SMARCA2: variants seen among roughly 807,000 people sequenced by gnomAD.
The protein encoded by SMARCA2 is SWI/SNF related BAF chromatin remodeling complex subunit ATPase 2.
Under a neutral mutation model 199.8 loss-of-function variants are expected in SMARCA2, and 61 were observed. The observed-to-expected ratio is 0.31, with a 90% CI of 0.25 to 0.38. The LOEUF is 0.38. SMARCA2 is among the 10% of genes least tolerant of loss of function. SMARCA2 has a pLI of 1.00. For missense variants in SMARCA2, 1,344 were observed against 2,012.2 expected, an observed-to-expected ratio of 0.67 and a Z score of 6.35; for synonymous variants, 935 against 732.0, an observed-to-expected ratio of 1.28 and a Z score of -4.48.
chr9:2,081,529 C>CT (rs767924606), intron 14 of SMARCA2, among the ~76,000 whole-genome samples: 11 of 152,088 alleles, frequency 7.2e-5, no homozygotes, highest in Non-Finnish European at 1.5e-4. Context: ...TTGGTTTGGG[C>CT]TTTTTTCATT....
intron 27 of SMARCA2, chr9:2,157,823 C>A: frequency 5.0e-6 from 2 of 398,332 alleles, no homozygotes; most frequent in Non-Finnish European, 8.9e-6. Flanking sequence ...CTTTACACCA[C>A]CGGGTTGAGA....
chr9:2,092,543 G>A (rs1024068254), intron 19 of SMARCA2, among the ~76,000 whole-genome samples: 6 of 152,250 alleles, frequency 3.9e-5, no homozygotes, highest in African/African-American at 1.4e-4. Context: ...TTTAGGAAGG[G>A]GAATTATAAA....
chr9:2,032,733 C>A, intron 2 of SMARCA2: 1 of 393,324 alleles, frequency 2.5e-6, no homozygotes, highest in Non-Finnish European at 4.5e-6. Context: ...AACAAACAAA[C>A]AAACAAACAA....
intron 32 of SMARCA2, among the ~76,000 whole-genome samples, chr9:2,190,043 A>G (rs1366605725): frequency 6.6e-6 from 1 of 152,220 alleles, no homozygotes; most frequent in African/African-American, 2.4e-5. Context: ...TGCCTTCATC[A>G]TCAAATACCA....
chr9:2,165,748 T>G (rs1272378851), intron 28 of SMARCA2, among the ~76,000 whole-genome samples: 1 of 152,260 alleles, frequency 6.6e-6, no homozygotes, highest in African/African-American at 2.4e-5. Context: ...GGATGAGATG[T>G]AGAGTTAGAC....
At chr9:2,150,322 A>C (rs923829324) in intron 27 of SMARCA2, among the ~76,000 whole-genome samples, 1 of 151,638 alleles carries the variant, frequency 6.6e-6, no homozygotes, top group Non-Finnish European at 1.5e-5. Context: ...AAGTGAACTG[A>C]CTGGCTCAGC....
At position 2,185,974 on chromosome 9, in the gene SMARCA2, A is replaced by C. The variant is rs79885330; in HGVS notation, c.4462-122A>C. 6.5e-3 allele frequency: 6,284 copies of C among 960,708 alleles called. 243 individuals are homozygous for C. In the African/African-American group the frequency reaches 0.09, roughly 14 times the overall value. The allele number at this position is 960,708 out of a possible 1,614,324, so 59.5% of individuals were successfully genotyped here. A position where few individuals can be genotyped will look rare whatever the true frequency, so the allele number is the denominator to read the frequency against. On this transcript the variant is annotated intron_variant, in intron 31 of 33. Coordinates refer to ENST00000349721, the MANE Select transcript of SMARCA2 (RefSeq NM_003070.5). ...CTACTGGGTTTTCATGTGGGCATAA[A>C]AGCTAACGGTGACATTTCTACTAAA...
chr9:2,176,903 C>G (rs1261959050), intron 29 of SMARCA2, among the ~76,000 whole-genome samples: 1 of 152,128 alleles, frequency 6.6e-6, no homozygotes, highest in Admixed American at 6.5e-5. Context: ...CCAAACAAGT[C>G]TACTCCCATC....
chr9:2,026,558 T>C (rs1818840438), intron 1 of SMARCA2, among the ~76,000 whole-genome samples: 1 of 152,240 alleles, frequency 6.6e-6, no homozygotes, highest in African/African-American at 2.4e-5. Context: ...GAATTTCATG[T>C]TTAATATACA....
At chr9:2,096,594 T>C (rs1052364823) in intron 19 of SMARCA2, 63 bp from the exon 20 acceptor site, 5 of 986,230 alleles carry the variant, frequency 5.1e-6, no homozygotes, top group Non-Finnish European at 8.2e-6. Flanking sequence ...GACTCAGCAG[T>C]CTTCTTAGAA....
At chr9:2,186,961 T>C (rs1166855476) in intron 32 of SMARCA2, among the ~76,000 whole-genome samples, 1 of 152,216 alleles carries the variant, frequency 6.6e-6, no homozygotes, top group African/African-American at 2.4e-5. Flanking sequence ...AATATGCCAG[T>C]GTTTGATCCA....
At position 2,170,594 on chromosome 9, in the gene SMARCA2, T is replaced by C; in HGVS notation, c.4253+122T>C. ...TCTTCGGTCACCTCCTGATCACCCCTACTTGGAGAGCGGGATAGAGGCACA... is the reference window on the plus strand; with the variant it reads ...TCTTCGGTCACCTCCTGATCACCCCCACTTGGAGAGCGGGATAGAGGCACA... On this transcript the variant is annotated intron_variant, in intron 29 of 33. Coordinates refer to ENST00000349721, the MANE Select transcript of SMARCA2 (RefSeq NM_003070.5). This position sits in a 1 kb window ranked among gnomAD's most constrained non-coding sequence, Gnocchi z 4.7. The C allele has an allele frequency of 6.7e-7, 1 of 1,502,716 alleles. No homozygotes were observed. The highest frequency in any genetic ancestry group is 1.2e-5 in the South Asian group (1 of 82,328). 93.1% of individuals were successfully genotyped at this position (1,502,716 alleles called of 1,614,324 possible).
At chr9:2,094,204 T>A (rs1008658549) in intron 19 of SMARCA2, among the ~76,000 whole-genome samples, 1 of 152,186 alleles carries the variant, frequency 6.6e-6, no homozygotes, top group African/African-American at 2.4e-5. Flanking sequence ...AAAATATAGT[T>A]GTGAAGCTTA....
At chr9:2,084,542 G>A (rs1457039853) in intron 17 of SMARCA2, among the ~76,000 whole-genome samples, 1 of 151,940 alleles carries the variant, frequency 6.6e-6, no homozygotes, top group African/African-American at 2.4e-5. Flanking sequence ...CACATTCTCG[G>A]GAAAGAAATA....
rs946299010 is a variant in SMARCA2, at chr9:2,148,654, A to G, written c.3982-13032A>G. 3.3e-5 allele frequency among the ~76,000 whole-genome samples: 5 copies of G among 151,290 alleles called. 1 individual carries two copies. The highest frequency in any genetic ancestry group is 1.2e-4 in the African/African-American group (5 of 41,332). ...TCTTTCTTTTTTCTGAGACACACGC[A>G]CATGCCACCACACCCAACTAATTTT... On this transcript the variant is annotated intron_variant, in intron 27 of 33. Transcript: ENST00000349721.
intron 27 of SMARCA2, among the ~76,000 whole-genome samples, chr9:2,129,804 CGGA>C (rs1357996110): frequency 1.3e-5 from 2 of 152,236 alleles, no homozygotes; most frequent in South Asian, 4.2e-4. Context: ...CCTGTCACTA[CGGA>C]GATGTCAAAC....
chr9:2,092,431 C>G (rs1822100051), intron 19 of SMARCA2, among the ~76,000 whole-genome samples: 1 of 152,186 alleles, frequency 6.6e-6, no homozygotes, highest in Non-Finnish European at 1.5e-5. Context: ...CGTTTAGAAC[C>G]TGAGACTTTT....
At position 2,161,883 on chromosome 9, in the gene SMARCA2, T is replaced by G. The variant is rs752116307; in HGVS notation, c.4179T>G (p.Thr1393=). 1.9e-6 allele frequency: 3 copies of G among 1,613,758 alleles called. No individual in the cohort carries two copies. Among genetic ancestry groups the G allele is most frequent in the Non-Finnish European group, 2.5e-6 (3 of 1,179,784 alleles). The change falls in exon 28 of 34, where the codon ACT becomes ACG. Residue 1393 remains threonine, a synonymous_variant. Transcript: ENST00000349721. The surrounding 1 kb of genome is among the most constrained non-coding windows in gnomAD (Gnocchi z 4.7). ...LTKQMNAIID[T]VINYKDRCNV... ...AGCAGATGAACGCTATCATCGATACTGTGATAAACTACAAAGATAGGTGAG... is the reference window on the plus strand; with the variant it reads ...AGCAGATGAACGCTATCATCGATACGGTGATAAACTACAAAGATAGGTGAG...
Position 2,058,280 on chromosome 9 carries a change from G to T in SMARCA2, c.1348-11G>T, listed in dbSNP as rs1233156994. The T allele has an allele frequency of 6.2e-7, 1 of 1,608,748 alleles. No individual in the cohort carries two copies. Among genetic ancestry groups the T allele is most frequent in the South Asian group, 1.1e-5 (1 of 90,532 alleles). On this transcript the variant is annotated splice_polypyrimidine_tract_variant and intron_variant, in intron 7 of 33. Transcript: ENST00000349721. ...TTAAGTATCCTTTTCTTCCCTTTTT[G>T]GATCTTCTAGGAATACCTGAACAGT...
Sources: allele counts gnomAD v4.1 joint callset (sites outside exome capture counted in the v4.1 genomes callset), GRCh38; gene constraint gnomAD v4.1.1; non-coding constraint Gnocchi (gnomAD v3.1); transcripts MANE v1.5; gene names NCBI Gene and HGNC (gene_info 2026-07-23, HGNC 2026-07-21).